Variants in RALY observed in about 807,000 individuals in gnomAD.
The protein encoded by RALY is RALY heterogeneous nuclear ribonucleoprotein, also known as RNA-binding protein Raly.
Under a neutral mutation model 30.7 loss-of-function variants are expected in RALY, and 15 were observed. The observed-to-expected ratio is 0.49, with a 90% CI of 0.33 to 0.75. The LOEUF (loss-of-function observed/expected upper bound fraction) is 0.75. Among genes scored for constraint, RALY ranks in the 30% least tolerant of loss-of-function variants. RALY has a pLI of 0.02. For synonymous variants in RALY, 177 were observed against 170.8 expected, an observed-to-expected ratio of 1.04 and a Z score of -0.28; for missense variants, 339 against 414.3, an observed-to-expected ratio of 0.82 and a Z score of 1.58.
At chr20:34,039,776 A>G (rs2045461064) in intron 2 of RALY, among the ~76,000 whole-genome samples, 1 of 152,214 alleles carries the variant, frequency 6.6e-6, no homozygotes, top group Non-Finnish European at 1.5e-5. Context: ...GATTCCTGCC[A>G]GTACTAGCTT....
intron 1 of RALY, among the ~76,000 whole-genome samples, chr20:34,030,934 T>C (rs1041969583): frequency 6.6e-6 from 1 of 152,134 alleles, no homozygotes; most frequent in Non-Finnish European, 1.5e-5. Context: ...GGCCCCTCCC[T>C]GACCATTTTA....
intron 3 of RALY, among the ~76,000 whole-genome samples, chr20:34,073,007 T>C (rs2033774447): frequency 6.6e-6 from 1 of 152,004 alleles, no homozygotes; most frequent in Non-Finnish European, 1.5e-5. Flanking sequence ...CATATATTCA[T>C]TTACCAGGTA....
chr20:34,064,542 A>G (rs557920924), intron 2 of RALY, among the ~76,000 whole-genome samples: 1 of 152,304 alleles, frequency 6.6e-6, no homozygotes, highest in African/African-American at 2.4e-5. Flanking sequence ...TTTGACAGGA[A>G]TGGGGCAGGG....
At chr20:34,009,087 G>A (rs2031287402) in intron 1 of RALY, among the ~76,000 whole-genome samples, 1 of 152,126 alleles carries the variant, frequency 6.6e-6, no homozygotes, top group South Asian at 2.1e-4. Context: ...CATGAAAAAG[G>A]AGGAAGATTT....
intron 2 of RALY, among the ~76,000 whole-genome samples, chr20:34,035,472 G>C (rs1197755711): frequency 6.6e-6 from 1 of 152,126 alleles, no homozygotes; most frequent in African/African-American, 2.4e-5. Context: ...TGTAGGCAGT[G>C]ATCAGAAGAG....
intron 1 of RALY, among the ~76,000 whole-genome samples, chr20:34,004,377 G>A (rs1285287706): frequency 6.6e-6 from 1 of 152,202 alleles, no homozygotes; most frequent in African/African-American, 2.4e-5. Flanking sequence ...CTATGCAGAA[G>A]CAACACCCAG....
In RALY at chr20:33,997,850, G is replaced by A. The variant is rs569401387; in HGVS notation, c.-93+3719G>A. On this transcript the variant is annotated intron_variant, in intron 1 of 9. Transcript: ENST00000246194. ...TTGGGAGAGGCAGTGTCTCAGAGATGGTTAATAGGGTAACAAACACATGAT... is the reference window on the plus strand; with the variant it reads ...TTGGGAGAGGCAGTGTCTCAGAGATAGTTAATAGGGTAACAAACACATGAT... Among the ~76,000 whole-genome samples, 4 of 152,236 alleles carry A rather than the reference G, an allele frequency of 2.6e-5. No individual in the cohort carries two copies. In the East Asian group the frequency reaches 7.7e-4, roughly 29 times the overall value.
chr20:34,076,339 C>T, intron 6 of RALY: 1 of 510,136 alleles, frequency 2.0e-6, no homozygotes, highest in Non-Finnish European at 3.5e-6. Flanking sequence ...TCCACATTCA[C>T]TCTGGTACAC....
At chr20:34,072,791 C>G (rs913009047) in intron 3 of RALY, among the ~76,000 whole-genome samples, 43 of 152,286 alleles carry the variant, frequency 2.8e-4, no homozygotes, top group African/African-American at 8.7e-4. Context: ...GTACAGTGTT[C>G]ATGCATGTGC....
At chr20:33,995,429 C>T (rs976012692) in intron 1 of RALY, among the ~76,000 whole-genome samples, 14 of 152,162 alleles carry the variant, frequency 9.2e-5, no homozygotes, top group Non-Finnish European at 1.9e-4. Flanking sequence ...GGGGGAGTAG[C>T]TCAAGTCATC....
intron 2 of RALY, among the ~76,000 whole-genome samples, chr20:34,067,010 A>G (rs563835555): frequency 4.6e-5 from 7 of 152,236 alleles, no homozygotes; most frequent in African/African-American, 1.2e-4. Flanking sequence ...GCCATGTGCA[A>G]TCTTGCCCCT....
intron 3 of RALY, among the ~76,000 whole-genome samples, chr20:34,072,773 T>C (rs771138158): frequency 7.2e-5 from 11 of 152,204 alleles, no homozygotes; most frequent in East Asian, 1.9e-4. Flanking sequence ...TGGTCTCTCT[T>C]GAAGTATGTA....
chr20:34,069,749 C>G (rs1267856999), intron 2 of RALY, among the ~76,000 whole-genome samples: 1 of 152,196 alleles, frequency 6.6e-6, no homozygotes, highest in Non-Finnish European at 1.5e-5. Context: ...GTGTTACTAC[C>G]TTTGTGTCCC....
At chr20:34,020,745 T>C (rs1394412168) in intron 1 of RALY, among the ~76,000 whole-genome samples, 1 of 152,220 alleles carries the variant, frequency 6.6e-6, no homozygotes, top group Non-Finnish European at 1.5e-5. Flanking sequence ...GCCTAATTAC[T>C]ATCTGATCCT....
chr20:34,064,215 C>A (rs762636375), intron 2 of RALY, among the ~76,000 whole-genome samples: 41 of 152,270 alleles, frequency 2.7e-4, no homozygotes, highest in Non-Finnish European at 4.9e-4. Context: ...CCCTCCTTAA[C>A]TTGTCCCCTT....
At chr20:34,002,914 A>T (rs1012538996) in intron 1 of RALY, among the ~76,000 whole-genome samples, 1 of 152,212 alleles carries the variant, frequency 6.6e-6, no homozygotes, top group Non-Finnish European at 1.5e-5. Flanking sequence ...TCTATTTTGT[A>T]TGCAGGTGGA....
intron 1 of RALY, among the ~76,000 whole-genome samples, chr20:34,014,114 C>T (rs1296009710): frequency 1.3e-5 from 2 of 152,134 alleles, no homozygotes; most frequent in Admixed American, 1.3e-4. Flanking sequence ...AGTTTGCGTG[C>T]ATGCTGGACA....
rs1166181303 is a variant in RALY, at chr20:34,083,225, G to C, written c.*3320G>C. On this transcript the variant is annotated 3_prime_UTR_variant, in exon 10 of 10. Coordinates refer to ENST00000246194, the MANE Select transcript of RALY (RefSeq NM_016732.3). ...AGTTTGGGCTGTGTTCAGTGTGGTG[G>C]TTCTTATCTCATCTGGGCCCTCGTG... 1 of 152,220 alleles carries C rather than the reference G, an allele frequency of 6.6e-6. No individual in the cohort carries two copies. The highest frequency in any genetic ancestry group is 1.5e-5 in the Non-Finnish European group (1 of 68,082). The allele number at this position is 152,220 out of a possible 1,614,324, so 9.4% of individuals were successfully genotyped here.
intron 1 of RALY, among the ~76,000 whole-genome samples, chr20:34,027,408 G>T (rs576619521): frequency 1.3e-5 from 2 of 152,184 alleles, no homozygotes; most frequent in South Asian, 4.1e-4. Context: ...CCAGCCGTGT[G>T]CCTGAGGCAT....
Sources: gnomAD v4.1 joint callset for allele counts (sites outside exome capture counted in the v4.1 genomes callset) on GRCh38, gnomAD v4.1.1 for gene constraint, MANE v1.5 for transcripts, NCBI Gene and HGNC (gene_info 2026-07-23, HGNC 2026-07-21) for gene names.